STRC: variants seen among roughly 807,000 people sequenced by gnomAD.
STRC encodes the protein stereocilin.
Under a neutral mutation model 103.5 loss-of-function variants are expected in STRC, and 43 were observed. That is an observed-to-expected ratio of 0.42 (90% confidence interval 0.33 to 0.54). The LOEUF (loss-of-function observed/expected upper bound fraction) is 0.54, where lower values mean the gene tolerates loss of function less well. Ranked by LOEUF, STRC falls within the 20% of genes least tolerant of loss-of-function variation. The pLI is 0.14. For synonymous variants in STRC, 186 were observed against 442.3 expected, an observed-to-expected ratio of 0.42 and a Z score of 7.27; for missense variants, 499 against 1,088.5, an observed-to-expected ratio of 0.46 and a Z score of 7.62.
chr15:43,606,759 G>C (rs1595959894), intron 18 of STRC, among the ~76,000 whole-genome samples: 1 of 122,902 alleles, frequency 8.1e-6, no homozygotes, highest in East Asian at 2.6e-4. Flanking sequence ...AAGAATGTTG[G>C]GAAGCCGAGG....
Position 43,600,544 on chromosome 15 carries a change from G to A in STRC, c.4983C>T (p.Gly1661=), listed in dbSNP as rs1031389370. 1.2e-6 allele frequency: 2 copies of A among 1,613,208 alleles called. No homozygotes were observed. The highest frequency in any genetic ancestry group is 1.3e-5 in the African/African-American group (1 of 74,720). Residue 1661 remains glycine (G), a synonymous_variant, in exon 26 of 29, where the codon GGC becomes GGT. Transcript: ENST00000450892. ...NWGPEIFTEI[G]TIAAGIPDLA... ...GGCCCAGCTCCCCACCTGCTATGGT[G>A]CCAATTTCAGTGAAGATCTCAGGCC...
intron 16 of STRC, among the ~76,000 whole-genome samples, chr15:43,609,023 A>G (rs2085730561): frequency 6.7e-6 from 1 of 148,876 alleles, no homozygotes; most frequent in South Asian, 2.1e-4. Context: ...GACTTGCCCA[A>G]GAGGACAAGT....
At position 43,618,668 on chromosome 15, in the gene STRC, ACAG is replaced by A. The variant is rs1567120678; in HGVS notation, c.52_54del (p.Leu18del). 3,128 of 28,610 alleles carry A rather than the reference ACAG, an allele frequency of 0.11. No homozygotes were observed. Among genetic ancestry groups the A allele is most frequent in the Admixed American group, 0.2 (439 of 2,154 alleles). 1.8% of individuals were successfully genotyped at this position (28,610 alleles called of 1,614,324 possible). A position where few individuals can be genotyped will look rare whatever the true frequency, so the allele number is the denominator to read the frequency against. On this transcript the variant is annotated inframe_deletion, in exon 1 of 29. Coordinates refer to ENST00000450892, the MANE Select transcript of STRC (RefSeq NM_153700.2). Reference sequence around the variant, plus strand: ...TCACTGTTCTTCTTACCTGCAAAGGACAGCAGCAGCAGCAGCAGCAGCAGCAGC... The same window carrying A: ...TCACTGTTCTTCTTACCTGCAAAGGACAGCAGCAGCAGCAGCAGCAGCAGC...
Position 43,600,670 on chromosome 15 carries a change from G to A in STRC, c.4857C>T (p.Leu1619=). The A allele has an allele frequency of 6.2e-7, 1 of 1,613,662 alleles. No individual in the cohort carries two copies. Among genetic ancestry groups the A allele is most frequent in the South Asian group, 1.1e-5 (1 of 91,022 alleles). The stretch of plus-strand genomic sequence containing the variant: ...ACTGGAGATGCAGGGTGCCGAGGAA[G>A]AGAGCTGCTTGGCTGTAGAACAGTA... ...ISSWEFSQAA[L]FLGTLHLQCS... The change falls in exon 26 of 29, where the codon CTC becomes CTT. Residue 1619 remains leucine, a synonymous_variant. Coordinates refer to ENST00000450892, the MANE Select transcript of STRC (RefSeq NM_153700.2).
rs1555447487 is a variant in STRC at position 43,611,000 on chromosome 15, T to TTTGTGTGTGTGTGTGTGTGTG, written c.3307-17_3307-16insCACACACACACACACACACAA. ...CATCTTTAACCTGCATGAGAATTGG[T>TTTGTGTGTGTGTGTGTGTGTG]TGTGTGTGTGTGTGTGTGTGTGTGT... On this transcript the variant is annotated splice_polypyrimidine_tract_variant and intron_variant, in intron 13 of 28. Transcript: ENST00000450892. 7 of 1,539,984 alleles carry TTTGTGTGTGTGTGTGTGTGTG rather than the reference T, an allele frequency of 4.5e-6. No homozygotes were observed. Among genetic ancestry groups the TTTGTGTGTGTGTGTGTGTGTG allele is most frequent in the Non-Finnish European group, 6.2e-6 (7 of 1,132,274 alleles).
chr15:43,604,701 T>C lies in STRC; in HGVS notation c.4076A>G (p.Glu1359Gly). 6.2e-7 allele frequency: 1 copy of C among 1,613,534 alleles called. No individual in the cohort carries two copies. The highest frequency in any genetic ancestry group is 8.5e-7 in the Non-Finnish European group (1 of 1,179,682). The stretch of plus-strand genomic sequence containing the variant: ...CCATCCCAGCTCTGTGGCAAATGTC[T>C]CTCCTAGGCAGAAGCCTTGCAGCTG... Reference protein sequence around the residue: ...LSQLQGFCLGETFATELGWLL... With the variant: ...LSQLQGFCLGGTFATELGWLL... Residue 1359 changes from glutamate to glycine, a missense_variant, in exon 20 of 29, where the codon GAG becomes GGG. Transcript: ENST00000450892.
chr15:43,604,587 T>A, intron 20 of STRC, 63 bp downstream of exon 20: 1 of 1,611,466 alleles, frequency 6.2e-7, no homozygotes, highest in Non-Finnish European at 8.5e-7. Context: ...CTGCCACTGA[T>A]GATGGTGGCT....
intron 23 of STRC, 40 bp from the exon 24 acceptor site, chr15:43,601,591 G>T: frequency 6.2e-7 from 1 of 1,606,284 alleles, no homozygotes; most frequent in Non-Finnish European, 8.5e-7. Context: ...GAAAAGCAGT[G>T]GATTGGGAGT....
chr15:43,609,199 C>T lies in STRC; in HGVS notation c.3557+77G>A, dbSNP rs372824596. The T allele has an allele frequency of 3.9e-3, 5,611 of 1,456,662 alleles. 289 individuals are homozygous for T. The East Asian group carries it at 0.073, about 19-fold the overall frequency. 90.2% of individuals were successfully genotyped at this position (1,456,662 alleles called of 1,614,324 possible). ...TCCCTATATCCCCCATTCCATATCA[C>T]ATGGTGCCTGGCACATAGTAAGCAC... is the stretch of plus-strand genomic sequence containing the variant. On this transcript the variant is annotated intron_variant, in intron 16 of 28. Transcript: ENST00000450892.
intron 22 of STRC, chr15:43,603,634 A>G: frequency 1.5e-6 from 1 of 646,988 alleles, no homozygotes; most frequent in East Asian, 2.9e-5. Context: ...TGAGGATGTT[A>G]TTCAGAGATT....
chr15:43,604,362 C>T lies in STRC; in HGVS notation c.4217G>A (p.Arg1406Lys), dbSNP rs1236722261. The T allele has an allele frequency of 1.3e-6, 2 of 1,566,980 alleles. No individual in the cohort carries two copies. The highest frequency in any genetic ancestry group is 1.7e-6 in the Non-Finnish European group (2 of 1,152,218). ...LSTEAISLIP[R>K]EALGPETLER... is the part of the protein sequence containing the mutation. Reference sequence around the variant, plus strand: ...CCTTCCCTTCTTCCTTCATCTCACCCTGGGGATCAAGGAAATTGCCTCAGT... The same window carrying T: ...CCTTCCCTTCTTCCTTCATCTCACCTTGGGGATCAAGGAAATTGCCTCAGT... The change falls in exon 21 of 29, where the codon AGG becomes AAG. Residue 1406 changes from arginine to lysine, a missense_variant and splice_region_variant. Arg to Lys is a conservative substitution (Grantham distance 26). Coordinates refer to ENST00000450892, the MANE Select transcript of STRC (RefSeq NM_153700.2).
rs2614818 is a variant in STRC at position 43,604,216 on chromosome 15, C to A, written c.4219-64G>T. ...CAGATCAGGACCTGCTGCTATAGCT[C>A]TAAGTCCAAAGTCCTGTCTCTGTTT... On this transcript the variant is annotated intron_variant, in intron 21 of 28. Transcript: ENST00000450892. 356 of 1,605,236 alleles carry A rather than the reference C, an allele frequency of 2.2e-4. 1 individual carries two copies. Among genetic ancestry groups the A allele is most frequent in the East Asian group, 1.9e-3 (84 of 44,812 alleles).
In STRC at chr15:43,601,644, T is replaced by A. The variant is rs2085670068; in HGVS notation, c.4546-93A>T. Reference sequence around the variant, plus strand: ...AGTCTTGCCTCTGCCCTTAGCTGTATAACTCTAGGTAAATCATTTGCCTTT... The same window carrying A: ...AGTCTTGCCTCTGCCCTTAGCTGTAAAACTCTAGGTAAATCATTTGCCTTT... On this transcript the variant is annotated intron_variant, in intron 23 of 28. Coordinates refer to ENST00000450892, the MANE Select transcript of STRC (RefSeq NM_153700.2). The A allele has an allele frequency of 3.8e-6, 5 of 1,306,914 alleles. No individual in the cohort carries two copies. The South Asian group carries it at 6.1e-5, about 16-fold the overall frequency. 81.0% of individuals were successfully genotyped at this position (1,306,914 alleles called of 1,614,324 possible).
In STRC at chr15:43,609,296, G is replaced by T. The variant is rs760331424; in HGVS notation, c.3537C>A (p.Asn1179Lys). 1.9e-6 allele frequency: 3 copies of T among 1,610,284 alleles called. 1 individual carries two copies. The African/African-American group carries it at 4.1e-5, about 22-fold the overall frequency. The change falls in exon 16 of 29, where the codon AAC becomes AAA. Residue 1179 changes from asparagine to lysine, a missense_variant. Physicochemically the swap from Asn to Lys is moderately conservative, Grantham distance 94. Transcript: ENST00000450892. ...FLWKKMQVPT[N>K]LTLRNLQALG... is the part of the protein sequence containing the mutation. ...CTCACTGCAGATTCCTGAGGGTAAG[G>T]TTGGTGGGTACTTGCATCTTCTTCC...
chr15:43,602,001 G>C (rs1038819284), intron 23 of STRC, among the ~76,000 whole-genome samples: 18 of 151,004 alleles, frequency 1.2e-4, no homozygotes, highest in Non-Finnish European at 2.2e-4. Flanking sequence ...TGTAGTCCCA[G>C]CTACTTGAGA....
chr15:43,604,484 G>A, intron 20 of STRC, 33 bp from the exon 21 acceptor site: 1 of 1,558,596 alleles, frequency 6.4e-7, no homozygotes, highest in Non-Finnish European at 8.7e-7. Context: ...GGGCTGGGGA[G>A]CTGAGGGAAC....
rs1190202674 is a variant in STRC, at chr15:43,600,748, C to A, written c.4845-66G>T. On this transcript the variant is annotated intron_variant, in intron 25 of 28. Transcript: ENST00000450892. Reference sequence around the variant, plus strand: ...AGTGAAAGGGGCTGTGGTCATGAGACAAAGGAAGAGATGGCTTCAAATGAG... The same window carrying A: ...AGTGAAAGGGGCTGTGGTCATGAGAAAAAGGAAGAGATGGCTTCAAATGAG... 2.5e-6 allele frequency: 4 copies of A among 1,612,678 alleles called. No homozygotes were observed. The East Asian group carries it at 8.9e-5, about 36-fold the overall frequency.
At chr15:43,601,290 C>T in intron 24 of STRC, 106 bp downstream of exon 24, 1 of 1,519,032 alleles carries the variant, frequency 6.6e-7, no homozygotes, top group Non-Finnish European at 9.1e-7. Flanking sequence ...GAAAGAAGGA[C>T]CAGGTAGGGT....
chr15:43,605,141 C>G, intron 19 of STRC, 123 bp downstream of exon 19: 5 of 1,544,232 alleles, frequency 3.2e-6, no homozygotes, highest in Non-Finnish European at 4.4e-6. Flanking sequence ...GCCTTGTAGA[C>G]AGGAATCTGT....
Sources: allele counts gnomAD v4.1 joint callset (sites outside exome capture counted in the v4.1 genomes callset), GRCh38; gene constraint gnomAD v4.1.1; transcripts MANE v1.5; gene names NCBI Gene and HGNC (gene_info 2026-07-23, HGNC 2026-07-21).